PDZRN3: variants seen among roughly 807,000 people sequenced by gnomAD.
The protein encoded by PDZRN3 is PDZ domain containing ring finger 3.
In PDZRN3, 38 loss-of-function variants were observed where a neutral mutation model predicts 85.7. The ratio of observed to expected loss-of-function variants is 0.44; its 90% CI spans 0.34 to 0.58. The LOEUF is 0.58. PDZRN3 is among the 20% of genes least tolerant of loss of function. PDZRN3 has a pLI of 0.01. For synonymous variants in PDZRN3, 759 were observed against 638.0 expected, an observed-to-expected ratio of 1.19 and a Z score of -2.86; for missense variants, 1,629 against 1,506.4, an observed-to-expected ratio of 1.08 and a Z score of -1.35.
At chr3:73,551,253 T>C (rs1343502725) in intron 3 of PDZRN3, among the ~76,000 whole-genome samples, 1 of 152,220 alleles carries the variant, frequency 6.6e-6, no homozygotes, top group Non-Finnish European at 1.5e-5. Context: ...CACACTGTCT[T>C]GGATGAGCTT....
intron 1 of PDZRN3, among the ~76,000 whole-genome samples, chr3:73,617,817 T>C (rs551824679): frequency 7.9e-5 from 12 of 152,330 alleles, no homozygotes; most frequent in Admixed American, 3.3e-4. Context: ...GCAATTCTCC[T>C]GCCTCAGCCT....
At chr3:73,493,515 A>G (rs540406858) in intron 3 of PDZRN3, among the ~76,000 whole-genome samples, 1 of 152,228 alleles carries the variant, frequency 6.6e-6, no homozygotes, top group South Asian at 2.1e-4. Flanking sequence ...ACCTCCCCCA[A>G]GAAGATAAGC....
intron 3 of PDZRN3, among the ~76,000 whole-genome samples, chr3:73,457,045 T>C (rs904753218): frequency 3.3e-5 from 5 of 152,084 alleles, no homozygotes; most frequent in African/African-American, 1.2e-4. Flanking sequence ...TATGAATGGA[T>C]TCATGGCAGG....
intron 3 of PDZRN3, among the ~76,000 whole-genome samples, chr3:73,459,909 A>C (rs1703069315): frequency 6.6e-6 from 1 of 152,220 alleles, no homozygotes; most frequent in African/African-American, 2.4e-5. Flanking sequence ...AGTCACATCC[A>C]GATGTCTGCC....
chr3:73,437,961 A>G (rs552873829), intron 3 of PDZRN3, among the ~76,000 whole-genome samples: 8 of 152,300 alleles, frequency 5.3e-5, no homozygotes, highest in Admixed American at 3.3e-4. Context: ...TTTTGAGAGA[A>G]CAGCTGTCCC....
chr3:73,539,365 G>A (rs1704861937), intron 3 of PDZRN3, among the ~76,000 whole-genome samples: 1 of 152,134 alleles, frequency 6.6e-6, no homozygotes, highest in Admixed American at 6.5e-5. Context: ...GGTTGTAGTG[G>A]GTTAAAAGTG....
At chr3:73,443,498 T>TTG (rs57581231) in intron 3 of PDZRN3, among the ~76,000 whole-genome samples, 4 of 129,114 alleles carry the variant, frequency 3.1e-5, no homozygotes, top group African/African-American at 1.6e-4. Flanking sequence ...TTTTTTTTTT[T>TTG]GGGGGGGGGA....
intron 3 of PDZRN3, among the ~76,000 whole-genome samples, chr3:73,460,683 G>C (rs565682576): frequency 2.6e-5 from 4 of 152,270 alleles, no homozygotes; most frequent in African/African-American, 9.6e-5. Flanking sequence ...TCTTAAATAA[G>C]AAGTTGATCA....
In PDZRN3 at chr3:73,566,967, T is replaced by C. The variant is rs1701960336; in HGVS notation, c.918+35387A>G. 3.3e-5 allele frequency among the ~76,000 whole-genome samples: 5 copies of C among 152,326 alleles called. No homozygotes were observed. The South Asian group carries it at 1.0e-3, about 32-fold the overall frequency. On this transcript the variant is annotated intron_variant, in intron 3 of 9. Transcript: ENST00000263666. ...GCTCCTCTACTCACTAACCTGGGAA[T>C]CACCTGTCCTTGTACCTAAAATAAT...
chr3:73,472,063 T>A (rs182330586), intron 3 of PDZRN3, among the ~76,000 whole-genome samples: 88 of 152,340 alleles, frequency 5.8e-4, no homozygotes, highest in African/African-American at 1.9e-3. Flanking sequence ...GATACTGTTG[T>A]GGAGAGAAAT....
intron 3 of PDZRN3, among the ~76,000 whole-genome samples, chr3:73,443,081 C>T (rs775169190): frequency 2.6e-5 from 4 of 152,190 alleles, no homozygotes; most frequent in Admixed American, 1.3e-4. Flanking sequence ...GCCCCACCAC[C>T]GGCCCAGTGG....
chr3:73,525,730 C>A (rs183102485), intron 3 of PDZRN3, among the ~76,000 whole-genome samples: 1 of 152,310 alleles, frequency 6.6e-6, no homozygotes, highest in African/African-American at 2.4e-5. Flanking sequence ...CCTGCCAAGG[C>A]GAGGCATGCT....
At chr3:73,567,736 G>T (rs896780452) in intron 3 of PDZRN3, among the ~76,000 whole-genome samples, 2 of 152,086 alleles carry the variant, frequency 1.3e-5, no homozygotes, top group African/African-American at 4.8e-5. Flanking sequence ...TTGGAACATA[G>T]GAACTCAATG....
At chr3:73,513,685 T>C (rs560744002) in intron 3 of PDZRN3, among the ~76,000 whole-genome samples, 1 of 152,322 alleles carries the variant, frequency 6.6e-6, no homozygotes, top group Non-Finnish European at 1.5e-5. Flanking sequence ...TAAAGCTCAT[T>C]CAATTTTCTC....
At chr3:73,519,093 C>A (rs1239146886) in intron 3 of PDZRN3, among the ~76,000 whole-genome samples, 1 of 152,222 alleles carries the variant, frequency 6.6e-6, no homozygotes, top group Non-Finnish European at 1.5e-5. Context: ...AAGGGAGAGA[C>A]CCCAACCTCA....
chr3:73,403,329 T>C (rs886627357), intron 4 of PDZRN3, among the ~76,000 whole-genome samples: 4 of 152,208 alleles, frequency 2.6e-5, no homozygotes, highest in Non-Finnish European at 5.9e-5. Context: ...GCTCTTCATT[T>C]TTTCCTGAAT....
chr3:73,392,415 TG>T (rs1701547174), intron 5 of PDZRN3, among the ~76,000 whole-genome samples: 1 of 152,236 alleles, frequency 6.6e-6, no homozygotes. Flanking sequence ...TATAATGTGG[TG>T]GGGAAGAGTT....
At chr3:73,466,490 A>G (rs1406045234) in intron 3 of PDZRN3, among the ~76,000 whole-genome samples, 4 of 152,194 alleles carry the variant, frequency 2.6e-5, no homozygotes, top group Non-Finnish European at 5.9e-5. Flanking sequence ...TGGTGCTTCA[A>G]TAACGACAGG....
chr3:73,504,808 C>T (rs1348559243), intron 3 of PDZRN3, among the ~76,000 whole-genome samples: 3 of 152,110 alleles, frequency 2.0e-5, no homozygotes, highest in Admixed American at 6.5e-5. Context: ...AAGATAACTG[C>T]GTTAGTATCA....
Sources: allele counts gnomAD v4.1 joint callset (sites outside exome capture counted in the v4.1 genomes callset), GRCh38; gene constraint gnomAD v4.1.1; transcripts MANE v1.5; gene names NCBI Gene and HGNC (gene_info 2026-07-23, HGNC 2026-07-21).